The following NEMF variants were observed in gnomAD, a reference collection of about 807,000 sequenced individuals.
NEMF encodes the protein nuclear export mediator factor.
Under a neutral mutation model 162.2 loss-of-function variants are expected in NEMF, and 89 were observed. The observed-to-expected ratio is 0.55, with a 90% CI of 0.46 to 0.65. NEMF has a LOEUF of 0.65. Among genes scored for constraint, NEMF ranks in the 30% least tolerant of loss-of-function variants. The pLI is 0.00. For synonymous variants in NEMF, 421 were observed against 404.5 expected (o/e 1.04, Z -0.49); for missense variants, 1,133 against 1,261.9 (o/e 0.90, Z 1.55).
intron 6 of NEMF, among the ~76,000 whole-genome samples, chr14:49,837,100 C>T (rs1168656621): frequency 6.6e-6 from 1 of 152,050 alleles, no homozygotes; most frequent in Non-Finnish European, 1.5e-5. Context: ...TGGTGAAACC[C>T]CATCTCTACT....
intron 16 of NEMF, chr14:49,820,517 C>T (rs1354599423): frequency 2.2e-6 from 1 of 456,388 alleles, no homozygotes; most frequent in South Asian, 1.5e-5. Flanking sequence ...GCCTATAATC[C>T]CGGCACTTTG....
At chr14:49,832,356 C>T (rs750186659) in intron 8 of NEMF, 79 bp from the exon 9 acceptor site, 8 of 963,570 alleles carry the variant, frequency 8.3e-6, no homozygotes, top group East Asian at 2.5e-5. Context: ...TTGATACAGT[C>T]GCGCTCGCTC....
At chr14:49,823,087 C>A (rs980781996) in intron 16 of NEMF, among the ~76,000 whole-genome samples, 6 of 151,956 alleles carry the variant, frequency 3.9e-5, no homozygotes, top group Non-Finnish European at 7.4e-5. Flanking sequence ...CAGGCACCTG[C>A]CACCACACTC....
At chr14:49,851,067 G>C (rs995422296) in intron 3 of NEMF, among the ~76,000 whole-genome samples, 1 of 152,132 alleles carries the variant, frequency 6.6e-6, no homozygotes, top group Non-Finnish European at 1.5e-5. Flanking sequence ...AGCCGGGTCT[G>C]GTGGCACACG....
chr14:49,827,277 C>T, intron 15 of NEMF, among the ~76,000 whole-genome samples: 1 of 152,182 alleles, frequency 6.6e-6, no homozygotes, highest in Admixed American at 6.5e-5. Context: ...ACCTCCACCT[C>T]CCGGGTTCAT....
At chr14:49,849,419 T>C (rs1325151392) in intron 3 of NEMF, among the ~76,000 whole-genome samples, 5 of 151,760 alleles carry the variant, frequency 3.3e-5, no homozygotes, top group Admixed American at 2.0e-4. Context: ...CACAAAGCTA[T>C]AGCTGTCATC....
intron 16 of NEMF, among the ~76,000 whole-genome samples, chr14:49,819,149 G>A (rs1475163043): frequency 3.9e-5 from 6 of 152,082 alleles, no homozygotes; most frequent in Admixed American, 2.0e-4. Flanking sequence ...TAGGGCTGAT[G>A]TAGGTATGTC....
chr14:49,785,288 T>C lies in NEMF; in HGVS notation c.2961A>G (p.Pro987=), dbSNP rs775332672. The C allele has an allele frequency of 2.5e-6, 4 of 1,614,058 alleles. No homozygotes were observed. The highest frequency in any genetic ancestry group is 3.4e-6 in the Non-Finnish European group (4 of 1,179,930). ...CAAACAGTAGTACATCTTCAGGATG[T>C]GGCTGGCCTGTCAAAGAATCAAATA... ...ENLFDSLTGQ[P]HPEDVLLFAI... Residue 987 remains proline (P), a synonymous_variant, in exon 30 of 33, where the codon CCA becomes CCG. Coordinates refer to ENST00000298310, the MANE Select transcript of NEMF (RefSeq NM_004713.6).
At chr14:49,802,804 G>C in intron 20 of NEMF, 77 bp from the exon 21 acceptor site, 1 of 1,042,892 alleles carries the variant, frequency 9.6e-7, no homozygotes, top group South Asian at 1.4e-5. Flanking sequence ...AAAAAAATTA[G>C]TGTCAGATGA....
intron 25 of NEMF, chr14:49,797,370 C>T (rs1306188584): frequency 6.6e-6 from 1 of 150,950 alleles, no homozygotes; most frequent in Non-Finnish European, 1.5e-5. Context: ...CGGTGGCTCA[C>T]ACCTGTAATC....
chr14:49,831,168 TAAAG>T (rs1892614841), intron 11 of NEMF, 127 bp downstream of exon 11: 3 of 581,582 alleles, frequency 5.2e-6, no homozygotes, highest in Non-Finnish European at 9.1e-6. Flanking sequence ...TTATCATAAA[TAAAG>T]AGGCAGGTCA....
intron 16 of NEMF, among the ~76,000 whole-genome samples, chr14:49,822,774 T>C (rs1708236422): frequency 6.6e-6 from 1 of 151,520 alleles, no homozygotes. Context: ...GTGTGATAGA[T>C]TGTGGAAAGC....
In NEMF at chr14:49,828,315, T is replaced by C. The variant is rs1407235527; in HGVS notation, c.1464A>G (p.Gln488=). ...CCTTCTCAGCAGCTTCAACAGTCTT[T>C]TGTGTTTTCTTAGCAGCATATCTCT... The part of the protein sequence containing the change: ...DHKRYAAKKT[Q]KTVEAAEKAF... The change falls in exon 15 of 33, where the codon CAA becomes CAG. Residue 488 remains glutamine (Q), a synonymous_variant. Transcript: ENST00000298310. 9.3e-6 allele frequency: 15 copies of C among 1,605,486 alleles called. No homozygotes were observed. Among genetic ancestry groups the C allele is most frequent in the East Asian group, 2.2e-5 (1 of 44,700 alleles).
chr14:49,786,488 G>A, intron 29 of NEMF: 2 of 546,262 alleles, frequency 3.7e-6, no homozygotes, highest in Admixed American at 6.9e-5. Context: ...ACCCTCTCCT[G>A]GGTAGGGACA....
At chr14:49,791,574 T>C (rs190914383) in intron 26 of NEMF, among the ~76,000 whole-genome samples, 6 of 151,840 alleles carry the variant, frequency 4.0e-5, no homozygotes, top group African/African-American at 1.4e-4. Context: ...CTGTCGCTAC[T>C]AAAAATACAA....
intron 5 of NEMF, among the ~76,000 whole-genome samples, chr14:49,840,197 CAT>C (rs1893126945): frequency 6.6e-6 from 1 of 152,090 alleles, no homozygotes; most frequent in African/African-American, 2.4e-5. Flanking sequence ...CACAGTGGCT[CAT>C]GCCTGTAATC....
rs201652333 is a variant in NEMF at position 49,829,218 on chromosome 14, T to C, written c.1068A>G (p.Gln356=). ...CTACCTGAATGGCTCTGTCAACTAT[T>C]TGTAGGTTCATTTCTATGAGCTCTC... The part of the protein sequence containing the change: ...LKGELIEMNL[Q]IVDRAIQVVR... Residue 356 remains glutamine, a synonymous_variant, in exon 13 of 33, where the codon CAA becomes CAG. Transcript: ENST00000298310. 46 of 1,614,208 alleles carry C rather than the reference T, an allele frequency of 2.8e-5. No homozygotes were observed. The highest frequency in any genetic ancestry group is 3.3e-5 in the Non-Finnish European group (39 of 1,180,030).
rs145272893 is a variant in NEMF, at chr14:49,840,244, C to T, written c.506+474G>A. Reference sequence around the variant, plus strand: ...TGGGAGGCCGAGGCAGGCAGATTGCCTGAGGTCAAGAGATCAAGACCAGCA... The same window carrying T: ...TGGGAGGCCGAGGCAGGCAGATTGCTTGAGGTCAAGAGATCAAGACCAGCA... On this transcript the variant is annotated intron_variant, in intron 5 of 32. Transcript: ENST00000298310. Among the ~76,000 whole-genome samples the T allele has an allele frequency of 4.4e-3, 676 of 152,198 alleles. 2 individuals carry two copies. Among genetic ancestry groups the T allele is most frequent in the African/African-American group, 0.013 (557 of 41,528 alleles).
rs1472799566 is a variant in NEMF, at chr14:49,783,672, GGTTA to G, written c.*960_*963del. 4.0e-5 allele frequency: 6 copies of G among 151,860 alleles called. No homozygotes were observed. The highest frequency in any genetic ancestry group is 6.5e-5 in the Admixed American group (1 of 15,268). 9.4% of individuals were successfully genotyped at this position (151,860 alleles called of 1,614,324 possible). ...CCTAAAATGCGCTTCTGGTATTATA[GGTTA>G]AGATACTCTAACGTGCTATATTGGT... On this transcript the variant is annotated 3_prime_UTR_variant, in exon 33 of 33. Transcript: ENST00000298310.
Sources: allele counts gnomAD v4.1 joint callset (sites outside exome capture counted in the v4.1 genomes callset), GRCh38; gene constraint gnomAD v4.1.1; transcripts MANE v1.5; gene names NCBI Gene and HGNC (gene_info 2026-07-23, HGNC 2026-07-21).